Variants in CYYR1 observed in about 807,000 individuals in gnomAD.
CYYR1 encodes the protein cysteine and tyrosine-rich protein 1.
In CYYR1, 14 loss-of-function variants were observed where a neutral mutation model predicts 15.2. That is an observed-to-expected ratio of 0.92 (90% CI 0.61 to 1.44). The LOEUF (loss-of-function observed/expected upper bound fraction) is 1.44. Among genes scored for constraint, CYYR1 ranks in the 40% most tolerant of loss-of-function variants. CYYR1 has a pLI of 0.00. For synonymous variants in CYYR1, 80 were observed against 77.4 expected, an observed-to-expected ratio of 1.03 and a Z score of -0.18; for missense variants, 228 against 209.5, an observed-to-expected ratio of 1.09 and a Z score of -0.54.
At chr21:26,542,288 T>TGC (rs34256480) in intron 2 of CYYR1, among the ~76,000 whole-genome samples, 3 of 108,302 alleles carry the variant, frequency 2.8e-5, no homozygotes, top group African/African-American at 6.7e-5. Flanking sequence ...TGTGTGTGTG[T>TGC]GCGTGTGTGT....
At chr21:26,507,070 G>A (rs1030592988) in intron 2 of CYYR1, among the ~76,000 whole-genome samples, 4 of 152,186 alleles carry the variant, frequency 2.6e-5, no homozygotes, top group Admixed American at 6.5e-5. Flanking sequence ...ACAGGTTGCT[G>A]TGATTTGCAC....
chr21:26,478,928 G>A (rs746508699), intron 3 of CYYR1, among the ~76,000 whole-genome samples: 33 of 152,126 alleles, frequency 2.2e-4, no homozygotes, highest in Non-Finnish European at 5.9e-5. Flanking sequence ...TAAAGGCTGT[G>A]AGTGGACAGG....
intron 2 of CYYR1, among the ~76,000 whole-genome samples, chr21:26,498,448 C>T (rs1272498402): frequency 2.0e-5 from 3 of 152,080 alleles, no homozygotes; most frequent in African/African-American, 7.2e-5. Context: ...GGCAAAAGAG[C>T]ACAGGCCTGT....
chr21:26,512,292 G>A (rs1184060937), intron 2 of CYYR1, among the ~76,000 whole-genome samples: 2 of 152,044 alleles, frequency 1.3e-5, no homozygotes, highest in South Asian at 4.1e-4. Context: ...TCCGTCTCCA[G>A]GGTCCAAGCG....
At chr21:26,471,556 T>C (rs912880231) in intron 3 of CYYR1, 8 of 152,324 alleles carry the variant, frequency 5.3e-5, no homozygotes, top group African/African-American at 1.9e-4. Flanking sequence ...AAGAGTGGTA[T>C]TTTGAGGACT....
At chr21:26,480,686 T>C (rs993158488) in intron 2 of CYYR1, among the ~76,000 whole-genome samples, 1 of 152,140 alleles carries the variant, frequency 6.6e-6, no homozygotes, top group Non-Finnish European at 1.5e-5. Context: ...ATCATTCAGA[T>C]TCCAGTTCTT....
intron 2 of CYYR1, among the ~76,000 whole-genome samples, chr21:26,525,108 A>G (rs2065847689): frequency 6.6e-6 from 1 of 152,166 alleles, no homozygotes; most frequent in African/African-American, 2.4e-5. Context: ...ATTCTATGCA[A>G]TTAAAAAGAT....
At chr21:26,481,621 G>A (rs567553682) in intron 2 of CYYR1, among the ~76,000 whole-genome samples, 4 of 152,028 alleles carry the variant, frequency 2.6e-5, no homozygotes, top group African/African-American at 7.2e-5. Context: ...TCTTTATCCA[G>A]TCTGTCACTG....
chr21:26,479,688 T>C (rs1277009097), intron 3 of CYYR1, among the ~76,000 whole-genome samples: 2 of 152,166 alleles, frequency 1.3e-5, no homozygotes, highest in African/African-American at 4.8e-5. Context: ...TCTTTTGTAT[T>C]TTTAGTAGAG....
At chr21:26,474,048 GT>G (rs35327076) in intron 3 of CYYR1, among the ~76,000 whole-genome samples, 86,418 of 104,918 alleles carry the variant, frequency 0.82, 35,546 homozygotes, top group East Asian at 0.93. Flanking sequence ...TTTTGTTTTC[GT>G]TTTTTTTTTT....
chr21:26,497,111 C>T (rs2065415346), intron 2 of CYYR1, among the ~76,000 whole-genome samples: 1 of 152,104 alleles, frequency 6.6e-6, no homozygotes, highest in African/African-American at 2.4e-5. Flanking sequence ...TTAAAATTTT[C>T]TTTACTTGGA....
At chr21:26,485,477 C>T (rs1358709568) in intron 2 of CYYR1, among the ~76,000 whole-genome samples, 1 of 152,140 alleles carries the variant, frequency 6.6e-6, no homozygotes, top group African/African-American at 2.4e-5. Flanking sequence ...TCATATCCAA[C>T]ATGCCTTCTC....
intron 2 of CYYR1, among the ~76,000 whole-genome samples, chr21:26,525,180 C>T (rs1322630314): frequency 6.6e-6 from 1 of 152,118 alleles, no homozygotes; most frequent in African/African-American, 2.4e-5. Flanking sequence ...CCTCTTTCTT[C>T]TCTTCCCTTT....
chr21:26,500,457 A>G (rs948045637), intron 2 of CYYR1, among the ~76,000 whole-genome samples: 1 of 152,206 alleles, frequency 6.6e-6, no homozygotes, highest in Non-Finnish European at 1.5e-5. Context: ...ATGGAAGGCC[A>G]GGAAGTGGTG....
chr21:26,562,739 C>G (rs1388354981), intron 2 of CYYR1, among the ~76,000 whole-genome samples: 1 of 146,766 alleles, frequency 6.8e-6, no homozygotes, highest in Non-Finnish European at 1.5e-5. Flanking sequence ...CACACACACA[C>G]ACACACACAC....
rs369338240 is a variant in CYYR1 at position 26,477,907 on chromosome 21, G to A, written c.334+2365C>T. On this transcript the variant is annotated intron_variant, in intron 3 of 3. Transcript: ENST00000652641. ...AGTAACCCTACCAATATTCTTGCAA[G>A]TTGGGAATATTTGAAATTGCATGTT... is the stretch of plus-strand genomic sequence containing the variant. 7 of 1,301,732 alleles carry A rather than the reference G, an allele frequency of 5.4e-6. No homozygotes were observed. The African/African-American group carries it at 1.1e-4, about 20-fold the overall frequency. 80.6% of individuals were successfully genotyped at this position (1,301,732 alleles called of 1,614,324 possible).
intron 2 of CYYR1, among the ~76,000 whole-genome samples, chr21:26,519,660 A>G (rs1418459344): frequency 3.3e-5 from 5 of 152,190 alleles, no homozygotes; most frequent in African/African-American, 1.2e-4. Context: ...TTTTGAAAGA[A>G]ATAACCCTGG....
intron 2 of CYYR1, among the ~76,000 whole-genome samples, chr21:26,545,460 G>T (rs1978894199): frequency 6.6e-6 from 1 of 150,438 alleles, no homozygotes; most frequent in African/African-American, 2.4e-5. Context: ...ATAATAATAA[G>T]CAACCTGAAA....
intron 2 of CYYR1, among the ~76,000 whole-genome samples, chr21:26,552,921 A>G (rs1979498757): frequency 6.6e-6 from 1 of 152,150 alleles, no homozygotes; most frequent in African/African-American, 2.4e-5. Flanking sequence ...CATATTTACT[A>G]ACTAGTACTG....
Sources: allele counts gnomAD v4.1 joint callset (sites outside exome capture counted in the v4.1 genomes callset), GRCh38; gene constraint gnomAD v4.1.1; transcripts MANE v1.5; gene names NCBI Gene and HGNC (gene_info 2026-07-23, HGNC 2026-07-21).